Variants in LRBA observed in about 807,000 individuals in gnomAD.
LRBA encodes lipopolysaccharide-responsive and beige-like anchor protein.
Under a neutral mutation model 330.0 loss-of-function variants are expected in LRBA, and 176 were observed. That is an observed-to-expected ratio of 0.53 (90% CI 0.47 to 0.60). The LOEUF (loss-of-function observed/expected upper bound fraction) is 0.60, where lower values mean the gene tolerates loss of function less well. Among genes scored for constraint, LRBA ranks in the 20% least tolerant of loss-of-function variants. LRBA has a pLI of 0.00. For synonymous variants in LRBA, 1,230 were observed against 1,193.0 expected, an observed-to-expected ratio of 1.03 and a Z score of -0.64; for missense variants, 3,259 against 3,444.8, an observed-to-expected ratio of 0.95 and a Z score of 1.35.
chr4:150,337,446 A>C (rs964844285), intron 48 of LRBA, among the ~76,000 whole-genome samples: 6 of 152,226 alleles, frequency 3.9e-5, no homozygotes, highest in Admixed American at 1.3e-4. Flanking sequence ...TTTACTGACA[A>C]CTTTGATGCT....
chr4:150,703,489 T>C (rs1409260318), intron 36 of LRBA, among the ~76,000 whole-genome samples: 4 of 152,170 alleles, frequency 2.6e-5, no homozygotes, highest in East Asian at 3.8e-4. Flanking sequence ...ATACCAGATG[T>C]TGAAATTAAA....
chr4:150,935,669 C>T (rs1013570195), intron 2 of LRBA, among the ~76,000 whole-genome samples: 13 of 151,554 alleles, frequency 8.6e-5, no homozygotes, highest in African/African-American at 3.1e-4. Flanking sequence ...AAATTCTATA[C>T]AAAAAGAATA....
At position 150,678,342 on chromosome 4, in the gene LRBA, T is replaced by C. The variant is rs72736389; in HGVS notation, c.5921+5209A>G. On this transcript the variant is annotated intron_variant, in intron 37 of 56. Coordinates refer to ENST00000651943, the MANE Select transcript of LRBA (RefSeq NM_001364905.1). ...AGTATGTATAATTATATGACACAACTATACTGTGACCATATAATACATACT... is the reference window on the plus strand; with the variant it reads ...AGTATGTATAATTATATGACACAACCATACTGTGACCATATAATACATACT... 1.6e-3 allele frequency among the ~76,000 whole-genome samples: 244 copies of C among 152,022 alleles called. 1 individual carries two copies. The highest frequency in any genetic ancestry group is 3.7e-3 in the Admixed American group (56 of 15,272).
At chr4:150,643,371 T>C (rs970942707) in intron 37 of LRBA, among the ~76,000 whole-genome samples, 2 of 151,896 alleles carry the variant, frequency 1.3e-5, no homozygotes, top group African/African-American at 2.4e-5. Context: ...AACTTTACCA[T>C]GTTAATGCAG....
chr4:150,943,266 AT>A (rs1735873892), intron 2 of LRBA, among the ~76,000 whole-genome samples: 1 of 152,184 alleles, frequency 6.6e-6, no homozygotes, highest in African/African-American at 2.4e-5. Flanking sequence ...CCCAAAAGTT[AT>A]TTCACAATGG....
chr4:150,738,945 G>C (rs181405608), intron 35 of LRBA, among the ~76,000 whole-genome samples: 5 of 151,720 alleles, frequency 3.3e-5, no homozygotes, highest in African/African-American at 1.2e-4. Flanking sequence ...GAAATACATA[G>C]AAAGTAAACA....
intron 18 of LRBA, among the ~76,000 whole-genome samples, chr4:150,872,195 C>A (rs1657605766): frequency 6.6e-6 from 1 of 152,134 alleles, no homozygotes; most frequent in Non-Finnish European, 1.5e-5. Context: ...CCAAAATTTT[C>A]TTTTTAAAAT....
chr4:150,875,856 A>G (rs1753970529), intron 17 of LRBA, among the ~76,000 whole-genome samples: 1 of 152,226 alleles, frequency 6.6e-6, no homozygotes, highest in Non-Finnish European at 1.5e-5. Context: ...TCAAAGGATC[A>G]CACTGGCTCT....
At chr4:150,812,009 C>G (rs1016610977) in intron 31 of LRBA, among the ~76,000 whole-genome samples, 4 of 151,970 alleles carry the variant, frequency 2.6e-5, no homozygotes, top group African/African-American at 9.7e-5. Context: ...AGACACTTTA[C>G]CAACACGGAT....
At chr4:150,679,867 T>A (rs183339609) in intron 37 of LRBA, among the ~76,000 whole-genome samples, 76 of 152,312 alleles carry the variant, frequency 5.0e-4, no homozygotes, top group African/African-American at 1.8e-3. Flanking sequence ...TTTCCCAGAC[T>A]AATACCAAGA....
chr4:150,878,522 C>CA (rs1244597753), intron 17 of LRBA, among the ~76,000 whole-genome samples: 3 of 149,594 alleles, frequency 2.0e-5, no homozygotes, highest in Non-Finnish European at 4.5e-5. Context: ...AAACTGAGAC[C>CA]AAAAAAAATC....
intron 36 of LRBA, among the ~76,000 whole-genome samples, chr4:150,722,933 T>A (rs1256454031): frequency 6.6e-6 from 1 of 151,986 alleles, no homozygotes; most frequent in African/African-American, 2.4e-5. Flanking sequence ...AACTTTACAT[T>A]GGTCTCAGTG....
chr4:150,553,825 G>A (rs558581945), intron 40 of LRBA, among the ~76,000 whole-genome samples: 36 of 152,230 alleles, frequency 2.4e-4, no homozygotes, highest in Middle Eastern at 6.8e-3. Flanking sequence ...GCAAGCCACC[G>A]GTGCATCTGG....
intron 40 of LRBA, among the ~76,000 whole-genome samples, chr4:150,587,296 G>A (rs1772231580): frequency 1.3e-5 from 2 of 152,012 alleles, no homozygotes; most frequent in Non-Finnish European, 2.9e-5. Flanking sequence ...TATGCTATCA[G>A]CCTGCAAAAT....
chr4:150,681,141 T>C (rs1251588793), intron 37 of LRBA, among the ~76,000 whole-genome samples: 1 of 152,234 alleles, frequency 6.6e-6, no homozygotes, highest in Non-Finnish European at 1.5e-5. Context: ...CATATTTCTT[T>C]TAGCAGGCTT....
Position 150,337,236 on chromosome 4 carries a change from GC to G in LRBA, c.7363-11339del, listed in dbSNP as rs1734872769. Among the ~76,000 whole-genome samples the G allele has an allele frequency of 2.6e-5, 4 of 152,282 alleles. No homozygotes were observed. In the South Asian group the frequency reaches 8.3e-4, roughly 32 times the overall value. On this transcript the variant is annotated intron_variant, in intron 48 of 56. Transcript: ENST00000651943. ...GTGACCTAGATGAAGTAAAGATGGT[GC>G]CTGAAAGGAAACAGGGGTTCATGAC...
Position 150,706,309 on chromosome 4 carries a change from C to T in LRBA, c.5755-22592G>A, listed in dbSNP as rs191496959. Reference sequence around the variant, plus strand: ...GGAAAAAAATCAAACTCGAAATTGACCCCAAACATACAGGCATTTAGTATA... The same window carrying T: ...GGAAAAAAATCAAACTCGAAATTGATCCCAAACATACAGGCATTTAGTATA... On this transcript the variant is annotated intron_variant, in intron 36 of 56. Transcript: ENST00000651943. Among the ~76,000 whole-genome samples, 66 of 151,764 alleles carry T rather than the reference C, an allele frequency of 4.3e-4. 1 individual carries two copies. In the East Asian group the frequency reaches 0.012, roughly 27 times the overall value.
In LRBA at chr4:150,888,676, A is replaced by G. The variant is rs140916920; in HGVS notation, c.2165+4376T>C. On this transcript the variant is annotated intron_variant, in intron 17 of 56. Coordinates refer to ENST00000651943, the MANE Select transcript of LRBA (RefSeq NM_001364905.1). The stretch of plus-strand genomic sequence containing the variant: ...CAAACTCAAAATATAAATTTTGAGA[A>G]TATTTTTAAAATTCAAATAAAAACA... Among the ~76,000 whole-genome samples, 1,255 of 152,314 alleles carry G rather than the reference A, an allele frequency of 8.2e-3. 53 individuals carry two copies. The highest frequency in any genetic ancestry group is 0.066 in the Admixed American group (1,014 of 15,292).
intron 40 of LRBA, among the ~76,000 whole-genome samples, chr4:150,557,745 C>T (rs570832697): frequency 7.2e-5 from 11 of 152,216 alleles, no homozygotes; most frequent in South Asian, 2.1e-4. Flanking sequence ...TAGTGCCATC[C>T]GCATCACATC....
Sources: gnomAD v4.1 joint callset for allele counts (sites outside exome capture counted in the v4.1 genomes callset) on GRCh38, gnomAD v4.1.1 for gene constraint, MANE v1.5 for transcripts, NCBI Gene and HGNC (gene_info 2026-07-23, HGNC 2026-07-21) for gene names.